The following FREM1 variants were observed in gnomAD, a reference collection of about 807,000 sequenced individuals.
FREM1 encodes the protein FRAS1 related extracellular matrix 1, also known as FRAS1-related extracellular matrix protein 1.
FREM1 carries 220 observed loss-of-function variants against 210.1 expected under a neutral mutation model. The observed-to-expected ratio is 1.05, with a 90% CI of 0.94 to 1.17. FREM1 has a LOEUF of 1.17. Ranked by LOEUF, FREM1 falls within the 50% of genes most tolerant of loss-of-function variation. The probability of loss-of-function intolerance (pLI) is 0.00; values close to 1 mark genes in which losing one functional copy is unlikely to be tolerated. For synonymous variants in FREM1, 1,189 were observed against 980.2 expected (o/e 1.21, Z -3.98); for missense variants, 3,454 against 2,675.5 (o/e 1.29, Z -6.42).
chr9:14,870,702 G>A lies in FREM1; in HGVS notation c.-267-1458C>T, dbSNP rs1278578760. Among the ~76,000 whole-genome samples, 5 of 151,698 alleles carry A rather than the reference G, an allele frequency of 3.3e-5. No homozygotes were observed. In the East Asian group the frequency reaches 7.8e-4, roughly 24 times the overall value. ...AAGTTTTAGGGTACATGTGCACAAT[G>A]TGCAGGTTAGTTACATATGTAGACA... On this transcript the variant is annotated intron_variant, in intron 1 of 36. Transcript: ENST00000380880.
At position 14,797,454 on chromosome 9, in the gene FREM1, G is replaced by C. The variant is rs1563950993; in HGVS notation, c.3839+44C>G. On this transcript the variant is annotated intron_variant, in intron 21 of 36. Transcript: ENST00000380880. ...TGTACCTAGTATTGTAGATTTCATA[G>C]AATTGTATAGAAATCTGAAAGGGAC... The C allele has an allele frequency of 3.9e-6, 6 of 1,519,580 alleles. No homozygotes were observed. In the Admixed American group the frequency reaches 7.5e-5, roughly 19 times the overall value. The allele number at this position is 1,519,580 out of a possible 1,614,324, so 94.1% of individuals were successfully genotyped here.
At chr9:14,744,589 A>C (rs1370837087) in intron 35 of FREM1, among the ~76,000 whole-genome samples, 1 of 152,184 alleles carries the variant, frequency 6.6e-6, no homozygotes, top group Non-Finnish European at 1.5e-5. Flanking sequence ...CACTTATAAA[A>C]TAATTTATCA....
At position 14,770,660 on chromosome 9, in the gene FREM1, G is replaced by T. The variant is rs17219005; in HGVS notation, c.5004C>A (p.Ile1668=). The change falls in exon 26 of 37, where the codon ATC becomes ATA. Residue 1668 remains isoleucine, a synonymous_variant. Coordinates refer to ENST00000380880, the MANE Select transcript of FREM1 (RefSeq NM_001379081.2). ...TTGGGCCTTGTAGAATTTTAAAGAT[G>T]ATCTGATCGTCCTCAGTGTCAGGGT... ...ASDPDTEDDQ[I]IFKILQGPKH... is the part of the protein sequence containing the mutation. The T allele has an allele frequency of 0.37, 595,626 of 1,611,316 alleles. 115,271 individuals carry two copies. The highest frequency in any genetic ancestry group is 0.4 in the Non-Finnish European group (472,815 of 1,177,732).
rs114818464 is a variant in FREM1 at position 14,830,880 on chromosome 9, C to G, written c.1882-5888G>C. Among the ~76,000 whole-genome samples the G allele has an allele frequency of 2.4e-3, 360 of 152,332 alleles. 2 individuals carry two copies. Among genetic ancestry groups the G allele is most frequent in the African/African-American group, 8.4e-3 (348 of 41,580 alleles). Reference sequence around the variant, plus strand: ...TTCATCAGAGTGGCGACTGTGGGAGCAAGCTTAAAATCTGTTCTGTCATTC... The same window carrying G: ...TTCATCAGAGTGGCGACTGTGGGAGGAAGCTTAAAATCTGTTCTGTCATTC... On this transcript the variant is annotated intron_variant, in intron 10 of 36. Transcript: ENST00000380880.
At chr9:14,843,653 A>G (rs546479300) in intron 8 of FREM1, among the ~76,000 whole-genome samples, 2 of 152,342 alleles carry the variant, frequency 1.3e-5, no homozygotes, top group Middle Eastern at 3.4e-3. Context: ...GTAAGCCTAC[A>G]ATAAATGTTG....
intron 15 of FREM1, among the ~76,000 whole-genome samples, chr9:14,814,943 T>C (rs1820039611): frequency 6.6e-6 from 1 of 152,200 alleles, no homozygotes; most frequent in Non-Finnish European, 1.5e-5. Context: ...TTGGGGTTTT[T>C]TCCCCACAAA....
chr9:14,810,609 A>G (rs950160613), intron 16 of FREM1, among the ~76,000 whole-genome samples: 2 of 152,186 alleles, frequency 1.3e-5, no homozygotes, highest in African/African-American at 2.4e-5. Flanking sequence ...TAATTGGGGA[A>G]TAGCAAATTA....
chr9:14,814,786 G>A (rs1174609553), intron 15 of FREM1, among the ~76,000 whole-genome samples: 2 of 151,664 alleles, frequency 1.3e-5, no homozygotes, highest in African/African-American at 4.8e-5. Context: ...ATTCCTTCTG[G>A]GTAAAAAAAA....
chr9:14,895,559 G>A (rs186824437), intron 1 of FREM1, among the ~76,000 whole-genome samples: 2 of 152,026 alleles, frequency 1.3e-5, no homozygotes, highest in Non-Finnish European at 2.9e-5. Context: ...GGTTCCAACA[G>A]TTGCCCAGCT....
intron 1 of FREM1, among the ~76,000 whole-genome samples, chr9:14,892,116 T>C (rs756216562): frequency 6.4e-4 from 98 of 152,148 alleles, no homozygotes; most frequent in Non-Finnish European, 5.6e-4. Flanking sequence ...GAACTCTCTC[T>C]TGGGGTCTGG....
At chr9:14,778,668 G>A (rs1439280209) in intron 24 of FREM1, among the ~76,000 whole-genome samples, 2 of 68,378 alleles carry the variant, frequency 2.9e-5, no homozygotes, top group African/African-American at 1.1e-4. Flanking sequence ...GGAGGGAGGG[G>A]AGGGAGGGGA....
chr9:14,863,880 G>T lies in FREM1; in HGVS notation c.258C>A (p.Pro86=). ...TPQVFDCHFL[P]NEVKYVHNGC... Reference sequence around the variant, plus strand: ...CATTGTGAACATACTTGACTTCGTTGGGAAGGAAATGGCAGTCAAAGACCT... The same window carrying T: ...CATTGTGAACATACTTGACTTCGTTTGGAAGGAAATGGCAGTCAAAGACCT... The change falls in exon 3 of 37, where the codon CCC becomes CCA. Residue 86 remains proline, a synonymous_variant. Coordinates refer to ENST00000380880, the MANE Select transcript of FREM1 (RefSeq NM_001379081.2). 2 of 1,611,752 alleles carry T rather than the reference G, an allele frequency of 1.2e-6. No homozygotes were observed. The highest frequency in any genetic ancestry group is 1.1e-5 in the South Asian group (1 of 90,968).
chr9:14,862,497 T>C (rs28519538), intron 3 of FREM1, among the ~76,000 whole-genome samples: 2,559 of 152,294 alleles, frequency 0.017, 75 homozygotes, highest in African/African-American at 0.058. Context: ...TTAAAATTAA[T>C]TTTCACTGGG....
chr9:14,827,490 G>C (rs1276256827), intron 10 of FREM1, among the ~76,000 whole-genome samples: 9 of 152,144 alleles, frequency 5.9e-5, no homozygotes. Flanking sequence ...CTAGAAGACA[G>C]AAATGAACTA....
At chr9:14,823,428 G>T in intron 12 of FREM1, 101 bp from the exon 13 acceptor site, 1 of 963,902 alleles carries the variant, frequency 1.0e-6, no homozygotes, top group Non-Finnish European at 1.5e-6. Flanking sequence ...ATTGAACACT[G>T]TAAATGCCAC....
intron 29 of FREM1, among the ~76,000 whole-genome samples, chr9:14,755,912 T>C (rs544335886): frequency 6.6e-5 from 10 of 152,332 alleles, no homozygotes; most frequent in Admixed American, 4.6e-4. Context: ...TAAGTGCTAC[T>C]TAACTAAATA....
At chr9:14,756,489 T>A (rs1310682450) in intron 28 of FREM1, 43 bp from the exon 29 acceptor site, 2 of 1,350,252 alleles carry the variant, frequency 1.5e-6, no homozygotes, top group African/African-American at 2.9e-5. Flanking sequence ...AAAATAAATA[T>A]TCTACAATAG....
At chr9:14,890,203 T>A (rs886341097) in intron 1 of FREM1, among the ~76,000 whole-genome samples, 1 of 152,250 alleles carries the variant, frequency 6.6e-6, no homozygotes. Flanking sequence ...TATTTGGGGA[T>A]ACCATGTTCT....
intron 28 of FREM1, among the ~76,000 whole-genome samples, chr9:14,759,037 T>C (rs1035195457): frequency 6.6e-6 from 1 of 152,144 alleles, no homozygotes; most frequent in Non-Finnish European, 1.5e-5. Flanking sequence ...GAAAGCCTCT[T>C]GGGACTGAAA....
Sources: allele counts gnomAD v4.1 joint callset (sites outside exome capture counted in the v4.1 genomes callset), GRCh38; gene constraint gnomAD v4.1.1; transcripts MANE v1.5; gene names NCBI Gene and HGNC (gene_info 2026-07-23, HGNC 2026-07-21).